Variants in B4GALNT3 observed in about 807,000 individuals in gnomAD.
B4GALNT3 encodes the protein beta-1,4-N-acetyl-galactosaminyltransferase 3.
B4GALNT3 carries 86 observed loss-of-function variants against 120.2 expected under a neutral mutation model. That is an observed-to-expected ratio of 0.72 (90% CI 0.60 to 0.86). B4GALNT3 has a LOEUF of 0.86. B4GALNT3 is among the 40% of genes least tolerant of loss of function. The probability of loss-of-function intolerance (pLI) is 0.00; values close to 1 mark genes in which losing one functional copy is unlikely to be tolerated. For synonymous variants in B4GALNT3, 518 were observed against 510.4 expected (o/e 1.01, Z -0.20); for missense variants, 1,167 against 1,298.9 (o/e 0.90, Z 1.56).
chr12:530,970 G>A (rs1043294885), intron 1 of B4GALNT3, among the ~76,000 whole-genome samples: 2 of 152,182 alleles, frequency 1.3e-5, no homozygotes, highest in South Asian at 2.1e-4. Context: ...TGTGACACCT[G>A]TTGTAGCAGA....
rs140449733 is a variant in B4GALNT3, at chr12:461,527, C to T, written c.169+982C>T. 1.8e-3 allele frequency among the ~76,000 whole-genome samples: 267 copies of T among 152,312 alleles called. 3 individuals are homozygous for T. Among genetic ancestry groups the T allele is most frequent in the African/African-American group, 6.0e-3 (251 of 41,570 alleles). Reference sequence around the variant, plus strand: ...GAAATGGAGAAACTCCCGTTACTACCAGGTGCCCAACGCAAGCCCGGGGAG... The same window carrying T: ...GAAATGGAGAAACTCCCGTTACTACTAGGTGCCCAACGCAAGCCCGGGGAG... On this transcript the variant is annotated intron_variant, in intron 1 of 19. Coordinates refer to ENST00000266383, the MANE Select transcript of B4GALNT3 (RefSeq NM_173593.4).
intron 1 of B4GALNT3, among the ~76,000 whole-genome samples, chr12:531,090 T>C (rs1008975143): frequency 6.6e-6 from 1 of 152,166 alleles, no homozygotes; most frequent in African/African-American, 2.4e-5. Context: ...CAGCACATTT[T>C]TCAGCTCCAC....
chr12:560,924 T>C (rs1358705552), intron 19 of B4GALNT3, among the ~76,000 whole-genome samples: 1 of 151,814 alleles, frequency 6.6e-6, no homozygotes, highest in East Asian at 1.9e-4. Context: ...CCTTCCTCCG[T>C]CTATGACGTG....
chr12:514,198 GTTT>G (rs56697824), intron 1 of B4GALNT3, among the ~76,000 whole-genome samples: 83 of 117,832 alleles, frequency 7.0e-4, no homozygotes, highest in African/African-American at 2.8e-3. Flanking sequence ...GTCCGTTTTT[GTTT>G]TTTTTTTTTT....
chr12:478,712 G>A (rs972392740), intron 1 of B4GALNT3, among the ~76,000 whole-genome samples: 4 of 152,314 alleles, frequency 2.6e-5, no homozygotes, highest in East Asian at 1.9e-4. Flanking sequence ...AAGTTCCAGG[G>A]TGGTGAACAC....
chr12:502,351 T>C (rs1253749188), intron 1 of B4GALNT3, among the ~76,000 whole-genome samples: 1 of 152,186 alleles, frequency 6.6e-6, no homozygotes, highest in Non-Finnish European at 1.5e-5. Context: ...GCGCCTCTTC[T>C]GCCTGGCAGC....
chr12:463,920 A>G (rs1449998263), intron 1 of B4GALNT3, among the ~76,000 whole-genome samples: 2 of 152,270 alleles, frequency 1.3e-5, no homozygotes, highest in African/African-American at 4.8e-5. Flanking sequence ...GCATTTATTC[A>G]GTAGCTAGCA....
intron 3 of B4GALNT3, among the ~76,000 whole-genome samples, chr12:539,484 T>C (rs1447851329): frequency 2.6e-5 from 4 of 151,958 alleles, no homozygotes; most frequent in Non-Finnish European, 4.4e-5. Context: ...TGTCTCTCTT[T>C]TGTGGACAGA....
At chr12:510,408 CG>C (rs768546833) in intron 1 of B4GALNT3, among the ~76,000 whole-genome samples, 2 of 126,124 alleles carry the variant, frequency 1.6e-5, no homozygotes, top group South Asian at 2.8e-4. Flanking sequence ...GCAGCTCCCC[CG>C]ATCCTCTTCC....
chr12:542,958 C>T (rs764639980), intron 3 of B4GALNT3, among the ~76,000 whole-genome samples: 67 of 152,308 alleles, frequency 4.4e-4, no homozygotes, highest in Non-Finnish European at 7.2e-4. Flanking sequence ...ACAGCTGTGG[C>T]GCTTTCCTCT....
At chr12:508,394 C>T (rs1446660895) in intron 1 of B4GALNT3, among the ~76,000 whole-genome samples, 8 of 152,186 alleles carry the variant, frequency 5.3e-5, no homozygotes, top group Admixed American at 4.6e-4. Flanking sequence ...ATCTTCCCAC[C>T]TCAGGCTCTT....
intron 1 of B4GALNT3, among the ~76,000 whole-genome samples, chr12:497,394 C>T (rs1409673049): frequency 1.3e-5 from 2 of 152,188 alleles, no homozygotes; most frequent in African/African-American, 4.8e-5. Context: ...CCGCCCGCCT[C>T]GGCCTCCCAA....
rs1268107231 is a variant in B4GALNT3 at position 552,056 on chromosome 12, C to T, written c.1108-7C>T. Reference sequence around the variant, plus strand: ...CTTACTCCTGCTGCTGATTTTTCCACTTCCAGGTTCATCTGTCTTTTGTTT... The same window carrying T: ...CTTACTCCTGCTGCTGATTTTTCCATTTCCAGGTTCATCTGTCTTTTGTTT... On this transcript the variant is annotated splice_polypyrimidine_tract_variant and splice_region_variant and intron_variant, in intron 11 of 19. Transcript: ENST00000266383. The T allele has an allele frequency of 6.3e-7, 1 of 1,588,546 alleles. No homozygotes were observed. The highest frequency in any genetic ancestry group is 8.6e-7 in the Non-Finnish European group (1 of 1,156,788).
chr12:496,161 G>A (rs1018343927), intron 1 of B4GALNT3, among the ~76,000 whole-genome samples: 24 of 152,060 alleles, frequency 1.6e-4, no homozygotes, highest in Admixed American at 1.2e-3. Flanking sequence ...TGGAATTCGC[G>A]AACAAATGGT....
At chr12:541,215 C>T (rs1946910792) in intron 3 of B4GALNT3, among the ~76,000 whole-genome samples, 1 of 152,232 alleles carries the variant, frequency 6.6e-6, no homozygotes, top group African/African-American at 2.4e-5. Flanking sequence ...TGACCCACAC[C>T]CCTGCACGAT....
intron 19 of B4GALNT3, 91 bp from the exon 20 acceptor site, chr12:561,252 G>A: frequency 2.1e-6 from 2 of 931,428 alleles, no homozygotes; most frequent in Non-Finnish European, 3.4e-6. Context: ...TGCCCCGTGG[G>A]GAGCGAACAG....
chr12:479,802 TTC>T (rs1946217975), intron 1 of B4GALNT3, among the ~76,000 whole-genome samples: 1 of 151,646 alleles, frequency 6.6e-6, no homozygotes, highest in Non-Finnish European at 1.5e-5. Flanking sequence ...GTCGGGTGAT[TTC>T]TCTCTCGTTT....
In B4GALNT3 at chr12:562,158, G is replaced by C. The variant is rs1347174933; in HGVS notation, c.*707G>C. 6.6e-6 allele frequency: 1 copy of C among 152,480 alleles called. No homozygotes were observed. The highest frequency in any genetic ancestry group is 2.4e-5 in the African/African-American group (1 of 41,458). 9.4% of individuals were successfully genotyped at this position (152,480 alleles called of 1,614,324 possible). A position where few individuals can be genotyped will look rare whatever the true frequency, so the allele number is the denominator to read the frequency against. On this transcript the variant is annotated 3_prime_UTR_variant, in exon 20 of 20. Transcript: ENST00000266383. The surrounding 1 kb of genome is among the most constrained non-coding windows in gnomAD (Gnocchi z 5.2). ...CAGAACGGGCTGTTTCTGGTGCTTGGGCATTGGGAGGTGGGGAGCTGGCGG... is the reference window on the plus strand; with the variant it reads ...CAGAACGGGCTGTTTCTGGTGCTTGCGCATTGGGAGGTGGGGAGCTGGCGG...
chr12:485,576 C>T (rs190682607), intron 1 of B4GALNT3, among the ~76,000 whole-genome samples: 109 of 152,228 alleles, frequency 7.2e-4, no homozygotes, highest in East Asian at 4.4e-3. Flanking sequence ...CTTCGGCTGG[C>T]GACTGAGAAT....
Sources: gnomAD v4.1 joint callset for allele counts (sites outside exome capture counted in the v4.1 genomes callset) on GRCh38, gnomAD v4.1.1 for gene constraint, Gnocchi (gnomAD v3.1) non-coding constraint, MANE v1.5 for transcripts, NCBI Gene and HGNC (gene_info 2026-07-23, HGNC 2026-07-21) for gene names.